KCNIP4: variants seen among roughly 807,000 people sequenced by gnomAD.
KCNIP4 encodes potassium voltage-gated channel interacting protein 4.
A neutral mutation model predicts 34.0 loss-of-function variants in KCNIP4; 12 were observed. The observed-to-expected ratio is 0.35, with a 90% CI of 0.23 to 0.57. KCNIP4 has a LOEUF of 0.57. KCNIP4 is among the 20% of genes least tolerant of loss of function. The pLI is 0.83. For synonymous variants in KCNIP4, 124 were observed against 102.2 expected (o/e 1.21, Z -1.29); for missense variants, 238 against 311.7 (o/e 0.76, Z 1.78).
At chr4:21,593,146 T>TGTGTG in intron 1 of KCNIP4, among the ~76,000 whole-genome samples, 2 of 151,170 alleles carry the variant, frequency 1.3e-5, no homozygotes, top group African/African-American at 2.4e-5. Context: ...TGTGTGTGTG[T>TGTGTG]TTCTTAACAG....
chr4:21,421,126 G>A (rs1214165945), intron 1 of KCNIP4, among the ~76,000 whole-genome samples: 1 of 152,108 alleles, frequency 6.6e-6, no homozygotes, highest in Non-Finnish European at 1.5e-5. Flanking sequence ...ATCAAAAAGA[G>A]AAAAGATAGC....
At chr4:21,948,061 C>A (rs1176849150) in intron 1 of KCNIP4, among the ~76,000 whole-genome samples, 1 of 152,196 alleles carries the variant, frequency 6.6e-6, no homozygotes, top group Non-Finnish European at 1.5e-5. Flanking sequence ...ATAAAACAAG[C>A]CATACGCTCC....
At chr4:21,036,099 G>A (rs1351022072) in intron 1 of KCNIP4, among the ~76,000 whole-genome samples, 1 of 152,156 alleles carries the variant, frequency 6.6e-6, no homozygotes, top group Admixed American at 6.5e-5. Context: ...TTTCTCCTGG[G>A]AACACTTTCT....
intron 2 of KCNIP4, among the ~76,000 whole-genome samples, chr4:20,866,318 T>C (rs1414032070): frequency 1.3e-5 from 2 of 152,084 alleles, no homozygotes; most frequent in Non-Finnish European, 2.9e-5. Flanking sequence ...CACAATTAAG[T>C]AGGCTTCGTT....
intron 1 of KCNIP4, among the ~76,000 whole-genome samples, chr4:21,201,405 G>A (rs1447666176): frequency 2.0e-5 from 3 of 152,190 alleles, no homozygotes; most frequent in Non-Finnish European, 4.4e-5. Context: ...GAAGAATTCA[G>A]AAGTGGTGTT....
intron 1 of KCNIP4, among the ~76,000 whole-genome samples, chr4:21,470,300 G>T (rs62295506): frequency 0.074 from 11,263 of 152,118 alleles, 519 homozygotes; most frequent in East Asian, 0.14. Flanking sequence ...GGACAAGGCA[G>T]AGAGCAAAAG....
intron 1 of KCNIP4, among the ~76,000 whole-genome samples, chr4:21,899,392 A>G (rs942924382): frequency 2.0e-5 from 3 of 152,168 alleles, no homozygotes; most frequent in African/African-American, 7.2e-5. Flanking sequence ...AAGGATGCCC[A>G]TTTTCACCAC....
At chr4:21,247,136 G>A (rs1422226474) in intron 1 of KCNIP4, among the ~76,000 whole-genome samples, 1 of 152,078 alleles carries the variant, frequency 6.6e-6, no homozygotes, top group African/African-American at 2.4e-5. Context: ...TTTCAGAGTT[G>A]GAAGAGGTTT....
chr4:21,897,329 G>T (rs1175258069), intron 1 of KCNIP4, among the ~76,000 whole-genome samples: 4 of 152,062 alleles, frequency 2.6e-5, no homozygotes. Context: ...GCCTTTAAAA[G>T]CAAGGTTCTA....
At chr4:21,460,989 G>A (rs1729418130) in intron 1 of KCNIP4, among the ~76,000 whole-genome samples, 2 of 152,008 alleles carry the variant, frequency 1.3e-5, no homozygotes, top group Non-Finnish European at 2.9e-5. Context: ...TTTAGAAAAC[G>A]CTATAACAAA....
At chr4:21,454,233 C>T (rs933166000) in intron 1 of KCNIP4, among the ~76,000 whole-genome samples, 38 of 152,234 alleles carry the variant, frequency 2.5e-4, no homozygotes, top group African/African-American at 8.4e-4. Flanking sequence ...AGTGCCAACG[C>T]TGCTGAACGA....
At chr4:21,609,626 T>C (rs541733232) in intron 1 of KCNIP4, among the ~76,000 whole-genome samples, 27 of 152,276 alleles carry the variant, frequency 1.8e-4, no homozygotes, top group African/African-American at 6.5e-4. Context: ...ACAATGAAGA[T>C]GATATTTCTT....
intron 1 of KCNIP4, among the ~76,000 whole-genome samples, chr4:21,654,697 G>C (rs1370329232): frequency 6.6e-6 from 1 of 152,054 alleles, no homozygotes; most frequent in Non-Finnish European, 1.5e-5. Context: ...GCCGAGGCAG[G>C]CAGATCACGA....
intron 1 of KCNIP4, among the ~76,000 whole-genome samples, chr4:21,210,038 C>G (rs1256211157): frequency 6.6e-6 from 1 of 152,078 alleles, no homozygotes; most frequent in Admixed American, 6.6e-5. Context: ...GTGTGTTGCT[C>G]TAGGAGAATG....
At chr4:21,629,559 A>G (rs1420290330) in intron 1 of KCNIP4, among the ~76,000 whole-genome samples, 1 of 152,192 alleles carries the variant, frequency 6.6e-6, no homozygotes, top group East Asian at 1.9e-4. Context: ...ATCATATCAT[A>G]ATGTGTGAAA....
At position 21,283,706 on chromosome 4, in the gene KCNIP4, C is replaced by T. The variant is rs183053615; in HGVS notation, c.62-400997G>A. On this transcript the variant is annotated intron_variant, in intron 1 of 8. Transcript: ENST00000382152. ...AGGAGATATACCTAATGCTAGATGA[C>T]GAGTTAATGGGTGCAGCACACAAAC... 2.6e-3 allele frequency among the ~76,000 whole-genome samples: 388 copies of T among 148,448 alleles called. 8 individuals are homozygous for T. In the East Asian group the frequency reaches 0.04, roughly 15 times the overall value.
chr4:20,898,765 C>G (rs541748968), intron 1 of KCNIP4, among the ~76,000 whole-genome samples: 1 of 152,284 alleles, frequency 6.6e-6, no homozygotes, highest in East Asian at 1.9e-4. Context: ...ATGTCTATAT[C>G]TATATCGTAT....
intron 1 of KCNIP4, among the ~76,000 whole-genome samples, chr4:21,139,247 T>C (rs2095886207): frequency 6.6e-6 from 1 of 152,170 alleles, no homozygotes; most frequent in Non-Finnish European, 1.5e-5. Flanking sequence ...GTTTCAATTA[T>C]TTGCTTTGTC....
At chr4:20,969,452 G>C (rs1262063759) in intron 1 of KCNIP4, among the ~76,000 whole-genome samples, 1 of 152,128 alleles carries the variant, frequency 6.6e-6, no homozygotes, top group Non-Finnish European at 1.5e-5. Flanking sequence ...TCAATAGCCT[G>C]TCCTGACACT....
Sources: allele counts gnomAD v4.1 joint callset (sites outside exome capture counted in the v4.1 genomes callset), GRCh38; gene constraint gnomAD v4.1.1; transcripts MANE v1.5; gene names NCBI Gene and HGNC (gene_info 2026-07-23, HGNC 2026-07-21).